Variants in PPP1R9A observed in about 807,000 individuals in gnomAD.
PPP1R9A encodes protein phosphatase 1 regulatory subunit 9A, also known as neurabin-1.
In PPP1R9A, 59 loss-of-function variants were observed where a neutral mutation model predicts 141.9. The ratio of observed to expected loss-of-function variants is 0.42; its 90% CI spans 0.34 to 0.52. The LOEUF (loss-of-function observed/expected upper bound fraction) is 0.52. PPP1R9A is among the 20% of genes least tolerant of loss of function. PPP1R9A has a pLI of 0.10. For synonymous variants in PPP1R9A, 500 were observed against 569.7 expected (o/e 0.88, Z 1.74); for missense variants, 1,444 against 1,611.9 (o/e 0.90, Z 1.78).
intron 2 of PPP1R9A, among the ~76,000 whole-genome samples, chr7:94,981,549 A>T (rs187601741): frequency 0.017 from 2,642 of 151,792 alleles, 35 homozygotes; most frequent in African/African-American, 0.043. Flanking sequence ...CGTTTTTTTT[A>T]AAAAAAACTT....
At chr7:95,100,708 C>T (rs1053449149) in intron 2 of PPP1R9A, among the ~76,000 whole-genome samples, 2 of 152,138 alleles carry the variant, frequency 1.3e-5, no homozygotes, top group African/African-American at 4.8e-5. Flanking sequence ...TCTATGACCA[C>T]CTTGGATGGA....
intron 4 of PPP1R9A, among the ~76,000 whole-genome samples, chr7:95,122,345 C>A (rs1386533633): frequency 1.3e-5 from 2 of 152,092 alleles, no homozygotes; most frequent in African/African-American, 4.8e-5. Context: ...CGGGGTTTCA[C>A]CATGTTGGTC....
chr7:95,105,861 G>A (rs1819437887), intron 2 of PPP1R9A, among the ~76,000 whole-genome samples: 1 of 152,114 alleles, frequency 6.6e-6, no homozygotes, highest in African/African-American at 2.4e-5. Flanking sequence ...ACATAGGTGG[G>A]GATTTTGGCA....
intron 2 of PPP1R9A, among the ~76,000 whole-genome samples, chr7:95,028,540 A>G (rs995094747): frequency 1.3e-5 from 2 of 152,218 alleles, no homozygotes; most frequent in Non-Finnish European, 2.9e-5. Flanking sequence ...GGTAAGTTTT[A>G]TTAGAAATCG....
intron 2 of PPP1R9A, among the ~76,000 whole-genome samples, chr7:94,945,798 AAG>A (rs1316536048): frequency 7.2e-5 from 11 of 152,188 alleles, no homozygotes; most frequent in African/African-American, 2.4e-4. Flanking sequence ...AGAATTTGTT[AAG>A]AGGCTTACTT....
At chr7:95,235,860 T>C (rs1796608137) in intron 8 of PPP1R9A, among the ~76,000 whole-genome samples, 1 of 152,182 alleles carries the variant, frequency 6.6e-6, no homozygotes, top group Admixed American at 6.5e-5. Context: ...TGGATGGAAT[T>C]GGAGACTATT....
rs556419514 is a variant in PPP1R9A, at chr7:95,229,317, A to G, written c.2112+3201A>G. 2.0e-5 allele frequency among the ~76,000 whole-genome samples: 3 copies of G among 152,082 alleles called. 1 individual carries two copies. The highest frequency in any genetic ancestry group is 7.2e-5 in the African/African-American group (3 of 41,500). ...GCTGCAGGCTCCCTAAAATGCCAAA[A>G]AAGTGTGAGTCTGCTTGCTTTCTCA... On this transcript the variant is annotated intron_variant, in intron 8 of 19. Coordinates refer to ENST00000433360, the MANE Select transcript of PPP1R9A (RefSeq NM_001166160.2).
intron 2 of PPP1R9A, among the ~76,000 whole-genome samples, chr7:95,087,586 G>GA (rs1816793024): frequency 6.6e-6 from 1 of 151,976 alleles, no homozygotes; most frequent in Non-Finnish European, 1.5e-5. Flanking sequence ...AGGATAAGTA[G>GA]TTTTTTGGAT....
intron 4 of PPP1R9A, among the ~76,000 whole-genome samples, chr7:95,160,550 G>A (rs868373081): frequency 1.3e-5 from 2 of 151,276 alleles, no homozygotes; most frequent in African/African-American, 4.9e-5. Context: ...TGATTCAGGG[G>A]GTACATGTGC....
chr7:95,258,927 C>T (rs1221577493), intron 12 of PPP1R9A, among the ~76,000 whole-genome samples: 21 of 152,132 alleles, frequency 1.4e-4, no homozygotes, highest in South Asian at 2.1e-4. Context: ...AAATTTACTT[C>T]GATGTGTATA....
chr7:95,032,353 A>G (rs1425673924), intron 2 of PPP1R9A, among the ~76,000 whole-genome samples: 1 of 152,138 alleles, frequency 6.6e-6, no homozygotes, highest in Admixed American at 6.6e-5. Flanking sequence ...TTTTACTAAG[A>G]CATAATCTTT....
At chr7:94,913,899 T>C (rs1292037292) in intron 2 of PPP1R9A, among the ~76,000 whole-genome samples, 2 of 152,156 alleles carry the variant, frequency 1.3e-5, no homozygotes, top group Admixed American at 1.3e-4. Flanking sequence ...TTAAAATCCA[T>C]AAAAAACAGT....
intron 5 of PPP1R9A, among the ~76,000 whole-genome samples, chr7:95,170,829 T>A (rs995848152): frequency 2.0e-5 from 3 of 151,774 alleles, no homozygotes; most frequent in African/African-American, 4.8e-5. Context: ...CTTCATTTTT[T>A]AAAAAATTAT....
chr7:94,957,886 A>G (rs1797234884), intron 2 of PPP1R9A, among the ~76,000 whole-genome samples: 1 of 152,076 alleles, frequency 6.6e-6, no homozygotes, highest in African/African-American at 2.4e-5. Flanking sequence ...GTTATGAGAA[A>G]GCAACTATAT....
rs551395638 is a variant in PPP1R9A at position 95,096,104 on chromosome 7, T to C, written c.1396-15155T>C. Reference sequence around the variant, plus strand: ...TTTATTATTTGACTCTTACAGATAGTGCTAAACCTCAAGTATGAATTCTCT... The same window carrying C: ...TTTATTATTTGACTCTTACAGATAGCGCTAAACCTCAAGTATGAATTCTCT... On this transcript the variant is annotated intron_variant, in intron 2 of 19. Coordinates refer to ENST00000433360, the MANE Select transcript of PPP1R9A (RefSeq NM_001166160.2). Among the ~76,000 whole-genome samples the C allele has an allele frequency of 3.9e-5, 6 of 152,284 alleles. No homozygotes were observed. In the East Asian group the frequency reaches 1.2e-3, roughly 29 times the overall value.
intron 7 of PPP1R9A, chr7:95,214,129 A>G (rs1317673812): frequency 3.3e-5 from 5 of 152,308 alleles, no homozygotes; most frequent in African/African-American, 1.2e-4. Context: ...AATTTGCTGC[A>G]TTACAAACTA....
chr7:95,045,093 A>G (rs1172173792), intron 2 of PPP1R9A, among the ~76,000 whole-genome samples: 1 of 152,184 alleles, frequency 6.6e-6, no homozygotes, highest in African/African-American at 2.4e-5. Flanking sequence ...GTGAAATAAT[A>G]TATTTGTTAG....
At chr7:95,268,281 A>G (rs1381177200) in intron 12 of PPP1R9A, among the ~76,000 whole-genome samples, 1 of 152,140 alleles carries the variant, frequency 6.6e-6, no homozygotes, top group African/African-American at 2.4e-5. Flanking sequence ...TGATTTTTAT[A>G]ATTATATTGC....
chr7:95,046,817 A>G (rs1028452346), intron 2 of PPP1R9A, among the ~76,000 whole-genome samples: 64 of 152,346 alleles, frequency 4.2e-4, no homozygotes, highest in Middle Eastern at 3.4e-3. Flanking sequence ...GAATCCTTGA[A>G]TGAAAAGCAC....
Sources: allele counts gnomAD v4.1 joint callset (sites outside exome capture counted in the v4.1 genomes callset), GRCh38; gene constraint gnomAD v4.1.1; transcripts MANE v1.5; gene names NCBI Gene and HGNC (gene_info 2026-07-23, HGNC 2026-07-21).